CRTAM: variants seen among roughly 807,000 people sequenced by gnomAD.
CRTAM encodes the protein cytotoxic and regulatory T-cell molecule.
Under a neutral mutation model 50.0 loss-of-function variants are expected in CRTAM, and 44 were observed. The ratio of observed to expected loss-of-function variants is 0.88; its 90% CI spans 0.69 to 1.13. The LOEUF is 1.13. Ranked by LOEUF, CRTAM falls within the 50% of genes most tolerant of loss-of-function variation. The pLI is 0.00. For synonymous variants in CRTAM, 159 were observed against 169.3 expected (o/e 0.94, Z 0.47); for missense variants, 448 against 457.5 (o/e 0.98, Z 0.19).
chr11:122,851,565 A>G, intron 2 of CRTAM, 128 bp from the exon 3 acceptor site: 1 of 817,614 alleles, frequency 1.2e-6, no homozygotes, highest in South Asian at 1.6e-5. Context: ...AGATAGGACA[A>G]TGTCTGGAGA....
intron 7 of CRTAM, among the ~76,000 whole-genome samples, chr11:122,867,016 T>A (rs1862184649): frequency 6.6e-6 from 1 of 152,242 alleles, no homozygotes; most frequent in Admixed American, 6.5e-5. Context: ...GGATAGTTTT[T>A]TAAACTCCTT....
intron 4 of CRTAM, among the ~76,000 whole-genome samples, chr11:122,855,401 C>T (rs1861992018): frequency 6.6e-6 from 1 of 152,194 alleles, no homozygotes; most frequent in Non-Finnish European, 1.5e-5. Flanking sequence ...TCGCCTTATT[C>T]ATATAACCAG....
At chr11:122,846,286 G>A (rs767977437) in intron 1 of CRTAM, among the ~76,000 whole-genome samples, 4 of 152,126 alleles carry the variant, frequency 2.6e-5, no homozygotes, top group Non-Finnish European at 5.9e-5. Context: ...AGAGAAGAGA[G>A]AAGTGGGAAA....
intron 3 of CRTAM, 42 bp from the exon 4 acceptor site, chr11:122,853,901 G>A (rs1184605727): frequency 6.3e-7 from 1 of 1,584,704 alleles, no homozygotes; most frequent in African/African-American, 1.3e-5. Context: ...GAGATATGCA[G>A]ACTCATATCT....
At chr11:122,839,329 A>G (rs988522555) in intron 1 of CRTAM, among the ~76,000 whole-genome samples, 3 of 152,226 alleles carry the variant, frequency 2.0e-5, no homozygotes, top group Non-Finnish European at 4.4e-5. Context: ...TGAAAATGAT[A>G]AAAACTTTTG....
chr11:122,867,949 C>A, intron 8 of CRTAM, 64 bp from the exon 9 acceptor site: 3 of 992,378 alleles, frequency 3.0e-6, no homozygotes, highest in Middle Eastern at 2.8e-4. Flanking sequence ...TTATCTTATT[C>A]AAATATACAT....
intron 7 of CRTAM, 43 bp from the exon 8 acceptor site, chr11:122,867,366 A>T (rs1295250929): frequency 6.4e-7 from 1 of 1,568,152 alleles, no homozygotes; most frequent in African/African-American, 1.4e-5. Context: ...AAAAAAAAAA[A>T]AAAACCCAAA....
rs1270660720 is a variant in CRTAM at position 122,851,755 on chromosome 11, C to G, written c.256C>G (p.Pro86Ala). 1.2e-6 allele frequency: 2 copies of G among 1,614,012 alleles called. No homozygotes were observed. The change falls in exon 3 of 10, where the codon CCT becomes GCT. Residue 86 changes from proline to alanine, a missense_variant. Coordinates refer to ENST00000227348, the MANE Select transcript of CRTAM (RefSeq NM_019604.4). ...GGCCAATCAGCTCTCCATCACTGTG[C>G]CTAACGTAACCCTGCAAGATGAAGG... Reference protein sequence around the residue: ...HSANQLSITVPNVTLQDEGVY... With the variant: ...HSANQLSITVANVTLQDEGVY...
chr11:122,840,472 A>T (rs1861785535), intron 1 of CRTAM, among the ~76,000 whole-genome samples: 1 of 152,086 alleles, frequency 6.6e-6, no homozygotes, highest in Non-Finnish European at 1.5e-5. Flanking sequence ...ATTAATGTGG[A>T]TCAAAAGTTG....
At position 122,871,840 on chromosome 11, in the gene CRTAM, A is replaced by T. The variant is rs1023173996; in HGVS notation, c.*441A>T. Reference sequence around the variant, plus strand: ...AAGTACCTAAAGATCTCTGATCCTAAGAAGTTACTTCTGGCCAGGCGCGGT... The same window carrying T: ...AAGTACCTAAAGATCTCTGATCCTATGAAGTTACTTCTGGCCAGGCGCGGT... On this transcript the variant is annotated 3_prime_UTR_variant, in exon 10 of 10. Coordinates refer to ENST00000227348, the MANE Select transcript of CRTAM (RefSeq NM_019604.4). 2 of 152,308 alleles carry T rather than the reference A, an allele frequency of 1.3e-5. No homozygotes were observed. Among genetic ancestry groups the T allele is most frequent in the African/African-American group, 2.4e-5 (1 of 41,450 alleles). 9.4% of individuals were successfully genotyped at this position (152,308 alleles called of 1,614,324 possible). A position where few individuals can be genotyped will look rare whatever the true frequency, so the allele number is the denominator to read the frequency against.
Position 122,850,186 on chromosome 11 carries a change from G to A in CRTAM, c.165G>A (p.Gly55=). The A allele has an allele frequency of 1.9e-6, 3 of 1,610,402 alleles. No homozygotes were observed. Among genetic ancestry groups the A allele is most frequent in the Non-Finnish European group, 2.5e-6 (3 of 1,177,444 alleles). The change falls in exon 2 of 10, where the codon GGG becomes GGA. Residue 55 remains glycine (G), a synonymous_variant. Transcript: ENST00000227348. Reference sequence around the variant, plus strand: ...CCCTCCAGTGGCTGACCCCCTCAGGGTTCACCATTTTTTTAAATGAGTATC... The same window carrying A: ...CCCTCCAGTGGCTGACCCCCTCAGGATTCACCATTTTTTTAAATGAGTATC... The part of the protein sequence containing the change: ...NSSLQWLTPS[G]FTIFLNEYPA...
chr11:122,858,463 C>T (rs535145825), intron 5 of CRTAM, among the ~76,000 whole-genome samples: 2 of 152,062 alleles, frequency 1.3e-5, no homozygotes, highest in African/African-American at 2.4e-5. Context: ...TGAGCTCAAG[C>T]GATCCCTCAA....
At chr11:122,849,506 G>C (rs2135234912) in intron 1 of CRTAM, among the ~76,000 whole-genome samples, 1 of 152,298 alleles carries the variant, frequency 6.6e-6, no homozygotes. Context: ...CAGATGACTT[G>C]AGGTCAGGAG....
At chr11:122,839,980 T>C (rs1861779935) in intron 1 of CRTAM, among the ~76,000 whole-genome samples, 1 of 152,218 alleles carries the variant, frequency 6.6e-6, no homozygotes, top group Non-Finnish European at 1.5e-5. Context: ...CTTCATTAAG[T>C]GGCTTAAAGA....
chr11:122,840,435 G>A (rs1861785104), intron 1 of CRTAM, among the ~76,000 whole-genome samples: 1 of 152,168 alleles, frequency 6.6e-6, no homozygotes, highest in African/African-American at 2.4e-5. Flanking sequence ...GTGTGTGTGT[G>A]TGTGTACTAG....
chr11:122,841,404 A>ATTTT (rs35383058), intron 1 of CRTAM, among the ~76,000 whole-genome samples: 1 of 143,354 alleles, frequency 7.0e-6, no homozygotes, highest in Non-Finnish European at 1.5e-5. Flanking sequence ...CTTTTACTCT[A>ATTTT]TTTTTTTTTT....
Position 122,867,405 on chromosome 11 carries a change from A to G in CRTAM, c.818-4A>G, listed in dbSNP as rs1269503721. On this transcript the variant is annotated splice_region_variant and splice_polypyrimidine_tract_variant and intron_variant, in intron 7 of 9. Coordinates refer to ENST00000227348, the MANE Select transcript of CRTAM (RefSeq NM_019604.4). Reference sequence around the variant, plus strand: ...TCTAAACTCCTTTTTCATTTTCCTTATAGAAGCAAATCCTCAGTATTTAGG... The same window carrying G: ...TCTAAACTCCTTTTTCATTTTCCTTGTAGAAGCAAATCCTCAGTATTTAGG... 2 of 1,602,288 alleles carry G rather than the reference A, an allele frequency of 1.2e-6. No individual in the cohort carries two copies. The highest frequency in any genetic ancestry group is 2.2e-5 in the South Asian group (2 of 89,268).
chr11:122,843,662 C>T (rs1193078273), intron 1 of CRTAM, among the ~76,000 whole-genome samples: 3 of 152,162 alleles, frequency 2.0e-5, no homozygotes, highest in Non-Finnish European at 2.9e-5. Flanking sequence ...AGATATCTCA[C>T]ACCCCATCCC....
rs757884674 is a variant in CRTAM, at chr11:122,867,560, G to T, written c.964+5G>T. Reference sequence around the variant, plus strand: ...CACATGTGATATGGAAGAAAGGTCAGTGGGCAGGGAACCTGACGGGGGCTA... The same window carrying T: ...CACATGTGATATGGAAGAAAGGTCATTGGGCAGGGAACCTGACGGGGGCTA... On this transcript the variant is annotated splice_donor_5th_base_variant and intron_variant, in intron 8 of 9. Transcript: ENST00000227348. The T allele has an allele frequency of 7.4e-6, 12 of 1,611,748 alleles. No homozygotes were observed. The highest frequency in any genetic ancestry group is 1.0e-5 in the Non-Finnish European group (12 of 1,178,854).
Sources: allele counts gnomAD v4.1 joint callset (sites outside exome capture counted in the v4.1 genomes callset), GRCh38; gene constraint gnomAD v4.1.1; transcripts MANE v1.5; gene names NCBI Gene and HGNC (gene_info 2026-07-23, HGNC 2026-07-21).